Variants in IGSF5 observed in about 807,000 individuals in gnomAD.
IGSF5 encodes the protein immunoglobulin superfamily member 5.
Under a neutral mutation model 39.4 loss-of-function variants are expected in IGSF5, and 41 were observed. The observed-to-expected ratio is 1.04, with a 90% CI of 0.81 to 1.35. IGSF5 has a LOEUF of 1.35. Ranked by LOEUF, IGSF5 falls within the 40% of genes most tolerant of loss-of-function variation. The pLI, the probability that IGSF5 is intolerant of heterozygous loss-of-function variation, is 0.00. For synonymous variants in IGSF5, 183 were observed against 175.3 expected (o/e 1.04, Z -0.34); for missense variants, 487 against 494.6 (o/e 0.98, Z 0.15).
chr21:39,758,975 T>G (rs2080047128), intron 2 of IGSF5, among the ~76,000 whole-genome samples: 1 of 152,244 alleles, frequency 6.6e-6, no homozygotes, highest in South Asian at 2.1e-4. Context: ...TGATCGATGT[T>G]GAGACCAAGA....
At chr21:39,756,261 TA>T (rs1271282082) in intron 2 of IGSF5, among the ~76,000 whole-genome samples, 1 of 152,236 alleles carries the variant, frequency 6.6e-6, no homozygotes, top group African/African-American at 2.4e-5. Context: ...ACTTAAATGC[TA>T]AATGCAGGTC....
At position 39,779,249 on chromosome 21, in the gene IGSF5, G is replaced by T. The variant is rs150645419; in HGVS notation, c.878G>T (p.Arg293Leu). 5.6e-6 allele frequency: 9 copies of T among 1,613,536 alleles called. No individual in the cohort carries two copies. In the South Asian group the frequency reaches 8.8e-5, roughly 16 times the overall value. Residue 293 changes from arginine to leucine, a missense_variant, in exon 5 of 9, where the codon CGT (arginine) becomes CTT (leucine). Coordinates refer to ENST00000380588, the MANE Select transcript of IGSF5 (RefSeq NM_001080444.2). Reference protein sequence around the residue: ...LTIRCCCCRRRCCGCNCCCRC... With the variant: ...LTIRCCCCRRLCCGCNCCCRC... ...ATACGCTGCTGCTGCTGCCGCCGTC[G>T]TTGTTGTGGCTGCAACTGCTGCTGC...
At chr21:39,759,264 G>A (rs180803421) in intron 2 of IGSF5, among the ~76,000 whole-genome samples, 11 of 152,184 alleles carry the variant, frequency 7.2e-5, no homozygotes, top group African/African-American at 2.7e-4. Flanking sequence ...TTAAATCTAA[G>A]AGCACCAGAA....
chr21:39,719,937 A>T, the IGSF5 span, among the ~76,000 whole-genome samples: 1 of 152,238 alleles, frequency 6.6e-6, no homozygotes, highest in South Asian at 2.1e-4. Context: ...ATGTGGAAAC[A>T]TCTTCATGAT....
chr21:39,766,693 C>T (rs780111202), intron 3 of IGSF5, among the ~76,000 whole-genome samples: 1 of 152,070 alleles, frequency 6.6e-6, no homozygotes, highest in Non-Finnish European at 1.5e-5. Flanking sequence ...TAAAAGGATG[C>T]TTTACAAAGA....
At chr21:39,752,903 C>T (rs367895752) in intron 2 of IGSF5, among the ~76,000 whole-genome samples, 1 of 151,496 alleles carries the variant, frequency 6.6e-6, no homozygotes, top group Admixed American at 6.6e-5. Flanking sequence ...GATACTAGTC[C>T]TTTGTTGGAG....
Position 39,772,493 on chromosome 21 carries a change from G to A in IGSF5, c.718+1278G>A, listed in dbSNP as rs186236555. Among the ~76,000 whole-genome samples the A allele has an allele frequency of 3.1e-3, 472 of 152,272 alleles. 2 individuals carry two copies. The highest frequency in any genetic ancestry group is 0.011 in the African/African-American group (447 of 41,566). ...GAGGTTGGAAGTGTCATCAGGGCTG[G>A]TTCCTCCTGAGGGCTGGGAGGGAGC... On this transcript the variant is annotated intron_variant, in intron 4 of 8. Transcript: ENST00000380588.
Position 39,758,235 on chromosome 21 carries a change from T to A in IGSF5, c.101-7300T>A, listed in dbSNP as rs1033094242. 2.6e-5 allele frequency among the ~76,000 whole-genome samples: 4 copies of A among 152,028 alleles called. 1 individual carries two copies. ...GAACACACAACTGCCAGAAGGGTCT[T>A]TCTCAGCCTCTTCCCACTGCATCCC... On this transcript the variant is annotated intron_variant, in intron 2 of 8. Coordinates refer to ENST00000380588, the MANE Select transcript of IGSF5 (RefSeq NM_001080444.2).
the IGSF5 span, among the ~76,000 whole-genome samples, chr21:39,737,687 C>A: frequency 6.6e-6 from 1 of 152,156 alleles, no homozygotes; most frequent in East Asian, 1.9e-4. Flanking sequence ...GGTGTGTGGC[C>A]CCCCAGGAAC....
At chr21:39,720,741 A>G in the IGSF5 span, among the ~76,000 whole-genome samples, 3 of 152,248 alleles carry the variant, frequency 2.0e-5, no homozygotes, top group African/African-American at 7.2e-5. Context: ...GTTAATATTC[A>G]TGTGTCAATA....
intron 8 of IGSF5, among the ~76,000 whole-genome samples, chr21:39,797,534 T>G (rs1483923014): frequency 6.6e-6 from 1 of 152,126 alleles, no homozygotes; most frequent in Non-Finnish European, 1.5e-5. Context: ...AAATTTTTTT[T>G]GAGACATGGT....
At chr21:39,742,322 G>C (rs972499860), upstream of IGSF5, among the ~76,000 whole-genome samples, 1 of 152,344 alleles carries the variant, frequency 6.6e-6, no homozygotes, top group African/African-American at 2.4e-5. Flanking sequence ...GCTGGAAGAA[G>C]TATCTAGTGA....
the IGSF5 span, among the ~76,000 whole-genome samples, chr21:39,731,300 A>G: frequency 6.6e-6 from 1 of 152,108 alleles, no homozygotes; most frequent in African/African-American, 2.4e-5. Flanking sequence ...TTTTAGGTCT[A>G]TTAAGAGGTC....
intron 2 of IGSF5, among the ~76,000 whole-genome samples, chr21:39,759,337 A>G (rs2837172): frequency 0.82 from 124,691 of 152,204 alleles, 51,250 homozygotes; most frequent in Admixed American, 0.86. Context: ...GCAATGCAAA[A>G]CGTTCTGGAG....
At chr21:39,767,992 A>G (rs749841895) in intron 3 of IGSF5, among the ~76,000 whole-genome samples, 5 of 152,244 alleles carry the variant, frequency 3.3e-5, no homozygotes, top group Non-Finnish European at 7.3e-5. Flanking sequence ...GACACATCAC[A>G]TTCAGAAACC....
At chr21:39,753,741 CT>C (rs34544193) in intron 2 of IGSF5, among the ~76,000 whole-genome samples, 121,082 of 150,188 alleles carry the variant, frequency 0.81, 48,922 homozygotes, top group Admixed American at 0.85. Context: ...CCTTCTTTGT[CT>C]TTTTTTTTTT....
chr21:39,739,525 G>T, the IGSF5 span, among the ~76,000 whole-genome samples: 1 of 152,162 alleles, frequency 6.6e-6, no homozygotes, highest in Non-Finnish European at 1.5e-5. Flanking sequence ...AAAGGTGGAA[G>T]TGGTCACCTT....
At chr21:39,758,565 C>T (rs1187089858) in intron 2 of IGSF5, among the ~76,000 whole-genome samples, 2 of 152,182 alleles carry the variant, frequency 1.3e-5, no homozygotes, top group Non-Finnish European at 2.9e-5. Context: ...CATTTACTGA[C>T]AGGGTAAGGG....
intron 2 of IGSF5, among the ~76,000 whole-genome samples, chr21:39,758,107 G>A (rs2080041829): frequency 6.6e-6 from 1 of 152,188 alleles, no homozygotes; most frequent in Admixed American, 6.5e-5. Context: ...TGTCCTGACT[G>A]TGCTGGTCGT....
Sources: allele counts gnomAD v4.1 joint callset (sites outside exome capture counted in the v4.1 genomes callset), GRCh38; gene constraint gnomAD v4.1.1; transcripts MANE v1.5; gene names NCBI Gene and HGNC (gene_info 2026-07-23, HGNC 2026-07-21).